AHI1: variants seen among roughly 807,000 people sequenced by gnomAD.
AHI1 encodes Abelson helper integration site 1.
Under a neutral mutation model 149.3 loss-of-function variants are expected in AHI1, and 123 were observed. The observed-to-expected ratio is 0.82, with a 90% confidence interval of 0.71 to 0.96. The LOEUF is 0.96. Ranked by LOEUF, AHI1 falls within the 40% of genes least tolerant of loss-of-function variation. AHI1 has a pLI of 0.00. For missense variants in AHI1, 1,439 were observed against 1,422.7 expected, an observed-to-expected ratio of 1.01 and a Z score of -0.18; for synonymous variants, 475 against 459.8, an observed-to-expected ratio of 1.03 and a Z score of -0.42.
intron 24 of AHI1, among the ~76,000 whole-genome samples, chr6:135,348,192 T>C (rs931682849): frequency 3.3e-5 from 5 of 152,086 alleles, no homozygotes; most frequent in Non-Finnish European, 7.4e-5. Context: ...CTATGGAACA[T>C]TAGTAGTGGC....
intron 9 of AHI1, 61 bp from the exon 10 acceptor site, chr6:135,455,987 T>C: frequency 2.5e-6 from 3 of 1,196,410 alleles, no homozygotes; most frequent in Middle Eastern, 2.7e-4. Flanking sequence ...GAGAAAAAAA[T>C]ATATAGTGTA....
intron 7 of AHI1, 31 bp from the exon 8 acceptor site, chr6:135,463,337 C>A: frequency 6.6e-7 from 1 of 1,509,648 alleles, no homozygotes; most frequent in Non-Finnish European, 9.0e-7. Flanking sequence ...TCAGCCATTA[C>A]AGATATATTA....
intron 22 of AHI1, among the ~76,000 whole-genome samples, chr6:135,401,130 A>G (rs1779970915): frequency 1.3e-5 from 2 of 152,140 alleles, no homozygotes; most frequent in Admixed American, 6.5e-5. Flanking sequence ...TTCTTCCTAG[A>G]TGAGGATTTT....
At chr6:135,411,264 T>G in intron 21 of AHI1, 84 bp downstream of exon 21, 1 of 1,284,700 alleles carries the variant, frequency 7.8e-7, no homozygotes, top group Non-Finnish European at 1.1e-6. Context: ...TTAACTTACT[T>G]CATTAAATGA....
intron 5 of AHI1, among the ~76,000 whole-genome samples, chr6:135,476,720 T>C (rs1372618872): frequency 3.9e-5 from 6 of 152,200 alleles, no homozygotes. Flanking sequence ...TTAAAAAGAT[T>C]CCTTTTCATC....
chr6:135,441,005 G>A (rs1786212742), intron 14 of AHI1, among the ~76,000 whole-genome samples: 1 of 151,798 alleles, frequency 6.6e-6, no homozygotes, highest in South Asian at 2.1e-4. Context: ...CCCAGACGCT[G>A]GGCTTTCTCA....
intron 28 of AHI1, among the ~76,000 whole-genome samples, chr6:135,289,995 AG>A (rs1782139962): frequency 6.6e-6 from 1 of 151,992 alleles, no homozygotes; most frequent in South Asian, 2.1e-4. Flanking sequence ...GGAGTTCCTT[AG>A]GCCCCCAGGG....
chr6:135,475,688 G>T (rs1027034619), intron 5 of AHI1, among the ~76,000 whole-genome samples: 5 of 152,174 alleles, frequency 3.3e-5, no homozygotes, highest in Non-Finnish European at 5.9e-5. Flanking sequence ...GTTGTTGGAG[G>T]AATTAAGTGA....
intron 5 of AHI1, among the ~76,000 whole-genome samples, chr6:135,487,951 CAT>C (rs1049733069): frequency 3.3e-5 from 5 of 151,802 alleles, no homozygotes; most frequent in African/African-American, 7.3e-5. Flanking sequence ...TAATAATGCA[CAT>C]ATGTTTACAA....
chr6:135,295,295 T>A (rs1011850924), intron 27 of AHI1, among the ~76,000 whole-genome samples: 3 of 152,236 alleles, frequency 2.0e-5, no homozygotes, highest in Non-Finnish European at 2.9e-5. Context: ...GCAGAACTCA[T>A]ACATGTTGGT....
chr6:135,387,128 C>A (rs1244886180), intron 23 of AHI1, among the ~76,000 whole-genome samples: 1 of 152,104 alleles, frequency 6.6e-6, no homozygotes, highest in Admixed American at 6.6e-5. Flanking sequence ...AGTGATCTTA[C>A]ACCTCAGCCT....
intron 11 of AHI1, among the ~76,000 whole-genome samples, chr6:135,450,720 C>A (rs1787961786): frequency 6.6e-6 from 1 of 152,104 alleles, no homozygotes; most frequent in African/African-American, 2.4e-5. Context: ...CGTTGCTTAG[C>A]CTGAGTAAAC....
intron 27 of AHI1, among the ~76,000 whole-genome samples, chr6:135,292,667 C>T (rs966427556): frequency 1.3e-5 from 2 of 152,046 alleles, no homozygotes; most frequent in Non-Finnish European, 2.9e-5. Flanking sequence ...GAACTGTTCC[C>T]GAGGAAGCCC....
chr6:135,450,806 T>C (rs1188955130), intron 11 of AHI1, among the ~76,000 whole-genome samples: 1 of 152,176 alleles, frequency 6.6e-6, no homozygotes, highest in African/African-American at 2.4e-5. Context: ...TAAGGCTTTA[T>C]TACTTTTTAG....
intron 22 of AHI1, among the ~76,000 whole-genome samples, chr6:135,397,568 G>T (rs1045292811): frequency 2.0e-5 from 3 of 152,056 alleles, no homozygotes; most frequent in African/African-American, 7.2e-5. Context: ...AAACTGTTTT[G>T]CCTACTCTTT....
intron 5 of AHI1, among the ~76,000 whole-genome samples, chr6:135,482,894 C>CTTTTTTTTTTTTTTTT (rs761997683): frequency 0.041 from 2,300 of 55,704 alleles, 987 homozygotes; most frequent in Admixed American, 0.051. Flanking sequence ...CCATTTAAGG[C>CTTTTTTTTTTTTTTTT]TTTTTTTTTT....
At chr6:135,418,476 T>C (rs1782688285) in intron 20 of AHI1, among the ~76,000 whole-genome samples, 1 of 152,146 alleles carries the variant, frequency 6.6e-6, no homozygotes, top group Non-Finnish European at 1.5e-5. Flanking sequence ...GGTGCTTTTG[T>C]GTATGTTCTT....
intron 23 of AHI1, among the ~76,000 whole-genome samples, chr6:135,368,314 G>A (rs918796908): frequency 5.9e-5 from 9 of 152,074 alleles, no homozygotes; most frequent in African/African-American, 2.2e-4. Context: ...TTTTGTGTTG[G>A]TTGGTTTCCA....
chr6:135,433,351 C>T, intron 15 of AHI1, 95 bp from the exon 16 acceptor site: 1 of 806,728 alleles, frequency 1.2e-6, no homozygotes, highest in Admixed American at 2.7e-5. Flanking sequence ...GAACCTTAAG[C>T]AAGCAAGTGA....
Sources: gnomAD v4.1 joint callset for allele counts (sites outside exome capture counted in the v4.1 genomes callset) on GRCh38, gnomAD v4.1.1 for gene constraint, MANE v1.5 for transcripts, NCBI Gene and HGNC (gene_info 2026-07-23, HGNC 2026-07-21) for gene names.